The following PAK3 variants were observed in gnomAD, a reference collection of about 807,000 sequenced individuals.
The protein encoded by PAK3 is serine/threonine-protein kinase PAK 3.
Under a neutral mutation model 41.0 loss-of-function variants are expected in PAK3, and 4 were observed. That is an observed-to-expected ratio of 0.10 (90% CI 0.05 to 0.22). The LOEUF is 0.22. Ranked by LOEUF, PAK3 falls within the 10% of genes least tolerant of loss-of-function variation. The pLI is 1.00. For synonymous variants in PAK3, 146 were observed against 139.6 expected (o/e 1.05, Z -0.32); for missense variants, 205 against 409.9 (o/e 0.50, Z 4.32).
chrX:111,214,291 C>G (rs957222165), intron 16 of PAK3, among the ~76,000 whole-genome samples: 5 of 111,503 alleles, frequency 4.5e-5, no homozygotes, highest in Non-Finnish European at 7.5e-5. Context: ...GGTTCTCAGC[C>G]AGGGATTCTC....
intron 1 of PAK3, among the ~76,000 whole-genome samples, chrX:111,035,462 G>A (rs1401883422): frequency 1.8e-5 from 2 of 111,656 alleles, no homozygotes; most frequent in African/African-American, 6.5e-5. Context: ...GTTCTTTACT[G>A]TGGGTAGCTG....
intron 10 of PAK3, among the ~76,000 whole-genome samples, chrX:111,166,089 T>G (rs1220997366): frequency 1.8e-5 from 2 of 110,785 alleles, no homozygotes; most frequent in Non-Finnish European, 3.8e-5. Context: ...TTTGGCAGGG[T>G]GAACCTGCTG....
intron 11 of PAK3, among the ~76,000 whole-genome samples, chrX:111,188,873 A>T (rs1233570214): frequency 8.9e-6 from 1 of 112,322 alleles, no homozygotes; most frequent in Non-Finnish European, 1.9e-5. Context: ...GGAATTGTGC[A>T]TGCGGCCTAA....
chrX:111,062,996 TA>T (rs201349461), intron 1 of PAK3, among the ~76,000 whole-genome samples: 36 of 109,366 alleles, frequency 3.3e-4, no homozygotes, highest in African/African-American at 1.1e-3. Flanking sequence ...TACTGCTACC[TA>T]AAAAAAAACT....
intron 1 of PAK3, among the ~76,000 whole-genome samples, chrX:110,956,829 C>A (rs2090870089): frequency 9.0e-6 from 1 of 111,682 alleles, no homozygotes; most frequent in Non-Finnish European, 1.9e-5. Flanking sequence ...GTAAGGCAAC[C>A]AGATGCTGCC....
intron 1 of PAK3, among the ~76,000 whole-genome samples, chrX:110,952,901 T>C (rs187028042): frequency 1.8e-5 from 2 of 112,279 alleles, no homozygotes; most frequent in Admixed American, 1.9e-4. Flanking sequence ...TTTATGCTAA[T>C]GAATGTCCTG....
At chrX:111,049,293 T>A (rs1252072507) in intron 1 of PAK3, among the ~76,000 whole-genome samples, 1 of 112,212 alleles carries the variant, frequency 8.9e-6, no homozygotes, top group African/African-American at 3.2e-5. Context: ...TGTTATAGTA[T>A]TTATTTATGT....
At chrX:111,150,741 G>A (rs988559286) in intron 7 of PAK3, among the ~76,000 whole-genome samples, 1 of 111,596 alleles carries the variant, frequency 9.0e-6, no homozygotes, top group African/African-American at 3.3e-5. Flanking sequence ...TTTGGGTGGG[G>A]ACACAGGCAA....
intron 5 of PAK3, among the ~76,000 whole-genome samples, chrX:111,131,282 C>G (rs1221631541): frequency 9.0e-6 from 1 of 111,169 alleles, no homozygotes; most frequent in Non-Finnish European, 1.9e-5. Context: ...TCATCCCTCC[C>G]CTTAGATTCA....
intron 10 of PAK3, among the ~76,000 whole-genome samples, chrX:111,164,604 G>A (rs1265107847): frequency 9.0e-6 from 1 of 111,193 alleles, no homozygotes; most frequent in Non-Finnish European, 1.9e-5. Context: ...CAAGAGCAGG[G>A]ACTGTGCCCT....
chrX:110,961,125 G>GGT (rs1355081947), intron 1 of PAK3, among the ~76,000 whole-genome samples: 3 of 111,427 alleles, frequency 2.7e-5, no homozygotes, highest in East Asian at 5.6e-4. Context: ...GAAACATACT[G>GGT]ATACCTGATT....
At position 111,223,649 on chromosome X, in the gene PAK3, G is replaced by T. The variant is rs771416826; in HGVS notation, c.*3202G>T. ...GGTGAAGCACATTCCATTGCTAAAA[G>T]AAAAAGAAACACGAAATTGCTTCCT... On this transcript the variant is annotated 3_prime_UTR_variant, in exon 18 of 18. Transcript: ENST00000372007. The T allele has an allele frequency of 9.0e-6, 1 of 110,814 alleles. No individual in the cohort carries two copies. Among genetic ancestry groups the T allele is most frequent in the South Asian group, 3.9e-4 (1 of 2,586 alleles). The allele number at this position is 110,814 out of a possible 1,213,427, so 9.1% of individuals were successfully genotyped here.
At chrX:111,152,302 C>T in intron 7 of PAK3, 108 bp from the exon 8 acceptor site, 1 of 555,397 alleles carries the variant, frequency 1.8e-6, no homozygotes, top group East Asian at 3.5e-5. Context: ...TGGAGCATTT[C>T]CTTCTAGTTG....
chrX:111,128,027 A>G (rs2093671187), intron 5 of PAK3, among the ~76,000 whole-genome samples: 1 of 112,629 alleles, frequency 8.9e-6, no homozygotes, highest in East Asian at 2.8e-4. Context: ...AAAATTGCAT[A>G]GTGCCTCCAA....
intron 1 of PAK3, among the ~76,000 whole-genome samples, chrX:111,079,573 A>G (rs755473019): frequency 8.9e-6 from 1 of 112,239 alleles, no homozygotes; most frequent in South Asian, 3.7e-4. Context: ...ATGGAGATGT[A>G]CAAGGAGATT....
intron 5 of PAK3, among the ~76,000 whole-genome samples, chrX:111,127,298 C>T (rs1246866163): frequency 1.8e-5 from 2 of 111,241 alleles, no homozygotes; most frequent in Non-Finnish European, 3.8e-5. Context: ...ATTGTAATTT[C>T]ACAATGTCTT....
intron 1 of PAK3, among the ~76,000 whole-genome samples, chrX:110,958,402 A>C (rs1023188242): frequency 2.7e-5 from 3 of 111,664 alleles, no homozygotes; most frequent in African/African-American, 9.8e-5. Flanking sequence ...AGTGGCGAGA[A>C]GAGAAAGAGG....
At chrX:111,171,417 ACCCTTATTCCCATGAT>A (rs1453375170) in intron 10 of PAK3, among the ~76,000 whole-genome samples, 1 of 109,984 alleles carries the variant, frequency 9.1e-6, no homozygotes, top group African/African-American at 3.4e-5. Flanking sequence ...GAGAAGCTGC[ACCCTTATTCCCATGAT>A]TGTTCTATAA....
At chrX:111,039,934 A>G (rs145618697) in intron 1 of PAK3, among the ~76,000 whole-genome samples, 1,068 of 104,120 alleles carry the variant, frequency 0.01, 18 homozygotes, top group African/African-American at 0.036. Flanking sequence ...GATTTCCTGC[A>G]TGTTAGAGAA....
Sources: allele counts gnomAD v4.1 joint callset (sites outside exome capture counted in the v4.1 genomes callset), GRCh38; gene constraint gnomAD v4.1.1; transcripts MANE v1.5; gene names NCBI Gene and HGNC (gene_info 2026-07-23, HGNC 2026-07-21).